Variants in TMEM63A observed in about 807,000 individuals in gnomAD.
TMEM63A encodes the protein transmembrane protein 63A, also known as mechanosensitive cation channel TMEM63A.
Under a neutral mutation model 100.6 loss-of-function variants are expected in TMEM63A, and 76 were observed. The ratio of observed to expected loss-of-function variants is 0.76; its 90% CI spans 0.63 to 0.91. The LOEUF is 0.91. Ranked by LOEUF, TMEM63A falls within the 40% of genes least tolerant of loss-of-function variation. TMEM63A has a pLI of 0.00. For missense variants in TMEM63A, 876 were observed against 1,008.8 expected, an observed-to-expected ratio of 0.87 and a Z score of 1.78; for synonymous variants, 401 against 401.1, an observed-to-expected ratio of 1.00 and a Z score of 0.00.
chr1:225,868,732 C>A (rs971934920), intron 6 of TMEM63A, among the ~76,000 whole-genome samples: 7 of 151,822 alleles, frequency 4.6e-5, no homozygotes, highest in African/African-American at 1.7e-4. Context: ...TATGCCCAGG[C>A]CCCAGGCCCC....
intron 3 of TMEM63A, among the ~76,000 whole-genome samples, chr1:225,877,097 G>A (rs1355512471): frequency 6.6e-6 from 1 of 152,120 alleles, no homozygotes; most frequent in Admixed American, 6.5e-5. Context: ...TTAAAGATAC[G>A]ACAGGCTGAG....
chr1:225,860,827 T>C (rs1027745350), intron 14 of TMEM63A, 33 bp downstream of exon 14: 3 of 1,567,728 alleles, frequency 1.9e-6, no homozygotes, highest in Non-Finnish European at 2.6e-6. Flanking sequence ...AACCCAGGCC[T>C]CTCTCCCACC....
chr1:225,845,349 C>A, downstream of TMEM63A: 1 of 1,599,100 alleles, frequency 6.3e-7, no homozygotes, highest in Non-Finnish European at 8.5e-7. Context: ...CGGCAATGAC[C>A]CACCCCTCTC....
chr1:225,877,840 C>T (rs1311800130), intron 2 of TMEM63A, among the ~76,000 whole-genome samples: 1 of 152,128 alleles, frequency 6.6e-6, no homozygotes, highest in Non-Finnish European at 1.5e-5. Flanking sequence ...TCATCCAGGA[C>T]ACAGTGGGCA....
rs745990491 is a variant in TMEM63A, at chr1:225,861,004, G to A, written c.1086-7C>T. ...ATTGAAATCTTTCAGGATGCTGCAAGGAAATGTAGCAACAGCCAGGCCCAG... is the reference window on the plus strand; with the variant it reads ...ATTGAAATCTTTCAGGATGCTGCAAAGAAATGTAGCAACAGCCAGGCCCAG... On this transcript the variant is annotated splice_polypyrimidine_tract_variant and splice_region_variant and intron_variant, in intron 13 of 24. Transcript: ENST00000366835. The A allele has an allele frequency of 6.2e-7, 1 of 1,606,058 alleles. No homozygotes were observed. The highest frequency in any genetic ancestry group is 1.3e-5 in the African/African-American group (1 of 74,656).
At chr1:225,842,574 C>G, downstream of TMEM63A, 1 of 878,926 alleles carries the variant, frequency 1.1e-6, no homozygotes, top group East Asian at 2.4e-5. Flanking sequence ...ATGGGGCACT[C>G]AGCAAATTCT....
intron 1 of TMEM63A, among the ~76,000 whole-genome samples, chr1:225,880,953 T>G (rs1402072682): frequency 6.6e-6 from 1 of 152,228 alleles, no homozygotes; most frequent in Non-Finnish European, 1.5e-5. Flanking sequence ...TCAGGGTAAT[T>G]TTATCATCAC....
Position 225,877,446 on chromosome 1 carries a change from G to T in TMEM63A, c.135C>A (p.Val45=). ...GGACAGTGGGGATGCCACCAAAGGT[G>T]ACCCCCTGGAGCACGGTGCTGTTTT... ...SAKNSTVLQG[V]TFGGIPTVLL... is the part of the protein sequence containing the mutation. The change falls in exon 3 of 25, where the codon GTC becomes GTA. Residue 45 remains valine, a synonymous_variant. Coordinates refer to ENST00000366835, the MANE Select transcript of TMEM63A (RefSeq NM_014698.3). 6.2e-7 allele frequency: 1 copy of T among 1,614,202 alleles called. No homozygotes were observed. The highest frequency in any genetic ancestry group is 8.5e-7 in the Non-Finnish European group (1 of 1,180,034).
At chr1:225,857,377 G>GGGGTGGGGGGGGGGGGT (rs1559039230) in intron 15 of TMEM63A, among the ~76,000 whole-genome samples, 2 of 19,662 alleles carry the variant, frequency 1.0e-4, no homozygotes, top group African/African-American at 3.8e-4. Flanking sequence ...AGTCCTGGCC[G>GGGGTGGGGGGGGGGGGT]GCGGGGCGGG....
chr1:225,866,350 C>A (rs534630620), intron 9 of TMEM63A: 3 of 544,228 alleles, frequency 5.5e-6, no homozygotes, highest in South Asian at 2.2e-5. Context: ...ACCCAAATTT[C>A]TTTACTTAGC....
intron 21 of TMEM63A, among the ~76,000 whole-genome samples, chr1:225,849,249 G>T (rs1047714645): frequency 4.0e-5 from 6 of 149,684 alleles, no homozygotes; most frequent in African/African-American, 1.5e-4. Flanking sequence ...ATCATCCCTG[G>T]TCAGATTTCA....
downstream of TMEM63A, chr1:225,845,086 T>C (rs555766791): frequency 3.1e-4 from 481 of 1,571,722 alleles, 4 homozygotes; most frequent in South Asian, 5.2e-3. Context: ...CCCCCTGCTG[T>C]GCAGGACGGA....
intron 19 of TMEM63A, 81 bp from the exon 20 acceptor site, chr1:225,852,850 G>C: frequency 1.6e-6 from 2 of 1,261,452 alleles, no homozygotes; most frequent in Non-Finnish European, 2.3e-6. Flanking sequence ...GGTGATGGGA[G>C]AGCAGGGTGG....
In TMEM63A at chr1:225,862,978, G is replaced by T; in HGVS notation, c.747-127C>A. 1 of 845,582 alleles carries T rather than the reference G, an allele frequency of 1.2e-6. No individual in the cohort carries two copies. Among genetic ancestry groups the T allele is most frequent in the Non-Finnish European group, 1.9e-6 (1 of 514,272 alleles). 52.4% of individuals were successfully genotyped at this position (845,582 alleles called of 1,614,324 possible). On this transcript the variant is annotated intron_variant, in intron 10 of 24. Coordinates refer to ENST00000366835, the MANE Select transcript of TMEM63A (RefSeq NM_014698.3). This position sits in a 1 kb window ranked among gnomAD's most constrained non-coding sequence, Gnocchi z 5.1. ...TCTCGCTGCTGGTTTCTGTGCCAGC[G>T]GAGACCTCTCTTCTCTTTGTCTTTT... is the stretch of plus-strand genomic sequence containing the variant.
intron 4 of TMEM63A, among the ~76,000 whole-genome samples, chr1:225,873,958 G>A (rs3820236): frequency 0.26 from 40,107 of 152,152 alleles, 5,649 homozygotes; most frequent in South Asian, 0.47. Flanking sequence ...AGGGAGCTGA[G>A]CATCTGAGCC....
At position 225,860,960 on chromosome 1, in the gene TMEM63A, G is replaced by A. The variant is rs1669905267; in HGVS notation, c.1123C>T (p.Leu375Phe). ...GGCTGGGGCTCACCTTTGCACTGAA[G>A]GCTCTGACACTTGCAGGCATTGAAA... ...KDFNACKCQS[L>F]QCKGEPQPSS... The change falls in exon 14 of 25, where the codon CTT becomes TTT. Residue 375 changes from leucine to phenylalanine, a missense_variant. Around this residue, in one of 5 missense-constraint regions of TMEM63A, gnomAD observed 487 missense variants for 581.9 expected, o/e 0.84. Transcript: ENST00000366835. 6.2e-7 allele frequency: 1 copy of A among 1,612,672 alleles called. No homozygotes were observed.
chr1:225,867,496 G>A lies in TMEM63A; in HGVS notation c.515-333C>T, dbSNP rs988558315. ...GTGGATTCATGGTGGCATTTTGGAAGGTGGATTCTTGCAGTTGCCCTTAGA... is the reference window on the plus strand; with the variant it reads ...GTGGATTCATGGTGGCATTTTGGAAAGTGGATTCTTGCAGTTGCCCTTAGA... On this transcript the variant is annotated intron_variant, in intron 7 of 24. Transcript: ENST00000366835. The surrounding 1 kb of genome is among the most constrained non-coding windows in gnomAD (Gnocchi z 4.6). Among the ~76,000 whole-genome samples, 1 of 152,184 alleles carries A rather than the reference G, an allele frequency of 6.6e-6. No homozygotes were observed. The highest frequency in any genetic ancestry group is 1.5e-5 in the Non-Finnish European group (1 of 68,028).
downstream of TMEM63A, among the ~76,000 whole-genome samples, chr1:225,841,601 CTTTTTT>C (rs35827447): frequency 6.7e-5 from 7 of 104,426 alleles, no homozygotes; most frequent in Admixed American, 6.4e-4. Context: ...CTGTCCCAGC[CTTTTTT>C]TTTTTTTTTT....
chr1:225,861,111 T>C, intron 13 of TMEM63A, 114 bp from the exon 14 acceptor site: 2 of 1,218,172 alleles, frequency 1.6e-6, no homozygotes, highest in South Asian at 1.6e-5. Context: ...CTTTGCTTTG[T>C]TGTGATTAGT....
Sources: allele counts gnomAD v4.1 joint callset (sites outside exome capture counted in the v4.1 genomes callset), GRCh38; gene constraint gnomAD v4.1.1; regional missense constraint gnomAD v4.1.1; non-coding constraint Gnocchi (gnomAD v3.1); transcripts MANE v1.5; gene names NCBI Gene and HGNC (gene_info 2026-07-23, HGNC 2026-07-21).